The following MYT1L variants were observed in gnomAD, a reference collection of about 807,000 sequenced individuals.
MYT1L encodes myelin transcription factor 1-like protein.
Under a neutral mutation model 126.7 loss-of-function variants are expected in MYT1L, and 12 were observed. That is an observed-to-expected ratio of 0.09 (90% confidence interval 0.06 to 0.15). The LOEUF (loss-of-function observed/expected upper bound fraction) is 0.15, where lower values mean the gene tolerates loss of function less well. Among genes scored for constraint, MYT1L ranks in the 10% least tolerant of loss-of-function variants. The probability of loss-of-function intolerance (pLI) is 1.00; values close to 1 mark genes in which losing one functional copy is unlikely to be tolerated. For missense variants in MYT1L, 979 were observed against 1,585.2 expected (o/e 0.62, Z 6.49); for synonymous variants, 541 against 604.2 (o/e 0.90, Z 1.53).
chr2:2,320,431 C>A (rs1365763138), intron 1 of MYT1L, among the ~76,000 whole-genome samples: 1 of 145,266 alleles, frequency 6.9e-6, no homozygotes. Flanking sequence ...AGGAACACTA[C>A]AATTAGGCAT....
rs150672533 is a variant in MYT1L, at chr2:1,834,550, T to C, written c.3080+4599A>G. Among the ~76,000 whole-genome samples, 397 of 152,310 alleles carry C rather than the reference T, an allele frequency of 2.6e-3. 11 individuals carry two copies. The highest frequency in any genetic ancestry group is 0.02 in the Admixed American group (311 of 15,310). Reference sequence around the variant, plus strand: ...GATACGTGCTACAACCTTGAGGACATGGGGCTCCATGAAATAGGACGGTCA... The same window carrying C: ...GATACGTGCTACAACCTTGAGGACACGGGGCTCCATGAAATAGGACGGTCA... On this transcript the variant is annotated intron_variant, in intron 21 of 24. Transcript: ENST00000647738.
chr2:2,290,626 G>T (rs1176372383), intron 1 of MYT1L, among the ~76,000 whole-genome samples: 2 of 152,136 alleles, frequency 1.3e-5, no homozygotes, highest in Admixed American at 6.6e-5. Flanking sequence ...CATGCCCCCA[G>T]TCCACACATA....
intron 3 of MYT1L, among the ~76,000 whole-genome samples, chr2:2,105,813 T>A (rs2078678363): frequency 6.6e-6 from 1 of 152,218 alleles, no homozygotes; most frequent in South Asian, 2.1e-4. Context: ...AATTACCTTA[T>A]GAAACAGCAT....
rs565798897 is a variant in MYT1L, at chr2:2,134,490, AT to A, written c.-304+38381del. The stretch of plus-strand genomic sequence containing the variant: ...GTCTGTGTCCTCCCCAAATTCATTT[AT>A]GTTGATGCCCTAACCACAGTGTGAT... On this transcript the variant is annotated intron_variant, in intron 3 of 24. Transcript: ENST00000647738. Among the ~76,000 whole-genome samples, 6 of 152,296 alleles carry A rather than the reference AT, an allele frequency of 3.9e-5. No individual in the cohort carries two copies. The South Asian group carries it at 1.2e-3, about 32-fold the overall frequency.
chr2:2,133,157 C>T (rs1026588779), intron 3 of MYT1L, among the ~76,000 whole-genome samples: 4 of 152,168 alleles, frequency 2.6e-5, no homozygotes, highest in African/African-American at 7.2e-5. Flanking sequence ...GCATTACCCA[C>T]CTTGTGCTTA....
At chr2:2,070,858 G>T (rs1029923691) in intron 3 of MYT1L, among the ~76,000 whole-genome samples, 1 of 152,036 alleles carries the variant, frequency 6.6e-6, no homozygotes, top group Non-Finnish European at 1.5e-5. Context: ...ATTTAATATC[G>T]ATTTGAATAT....
At chr2:2,136,867 G>A (rs2083123311) in intron 3 of MYT1L, among the ~76,000 whole-genome samples, 1 of 152,120 alleles carries the variant, frequency 6.6e-6, no homozygotes. Flanking sequence ...GGAAATAAAG[G>A]GTATTCAATC....
chr2:2,292,970 T>C (rs1045971212), intron 1 of MYT1L, among the ~76,000 whole-genome samples: 5 of 152,098 alleles, frequency 3.3e-5, no homozygotes, highest in African/African-American at 1.2e-4. Context: ...CAAAAGAACA[T>C]TTTCCTCTGT....
chr2:2,036,471 G>A (rs1225856619), intron 4 of MYT1L, among the ~76,000 whole-genome samples: 2 of 150,002 alleles, frequency 1.3e-5, no homozygotes, highest in Non-Finnish European at 3.0e-5. Flanking sequence ...CCTCCAATGC[G>A]GGTGCAGAAG....
chr2:2,314,818 C>G (rs1286594361), intron 1 of MYT1L, among the ~76,000 whole-genome samples: 1 of 152,098 alleles, frequency 6.6e-6, no homozygotes, highest in East Asian at 1.9e-4. Flanking sequence ...GGTACTGGTA[C>G]AGAAACAGAC....
chr2:1,810,577 A>G (rs1222544359), intron 21 of MYT1L, among the ~76,000 whole-genome samples: 5 of 152,180 alleles, frequency 3.3e-5, no homozygotes, highest in Admixed American at 6.5e-5. Context: ...ATCTAGAAAC[A>G]CTCTTTACTA....
Position 1,806,235 on chromosome 2 carries a change from C to A in MYT1L, c.3172+2841G>T, listed in dbSNP as rs57770613. On this transcript the variant is annotated intron_variant, in intron 22 of 24. Transcript: ENST00000647738. The surrounding 1 kb of genome is among the most constrained non-coding windows in gnomAD (Gnocchi z 4.9). Reference sequence around the variant, plus strand: ...GAATCGACAGCCCCAGGCATCAGCACACACTTGGACTTAGGAAGACCCACT... The same window carrying A: ...GAATCGACAGCCCCAGGCATCAGCAAACACTTGGACTTAGGAAGACCCACT... 2.6e-5 allele frequency among the ~76,000 whole-genome samples: 4 copies of A among 152,184 alleles called. No individual in the cohort carries two copies. The highest frequency in any genetic ancestry group is 9.7e-5 in the African/African-American group (4 of 41,450).
At chr2:2,295,924 A>G (rs959546952) in intron 1 of MYT1L, among the ~76,000 whole-genome samples, 1 of 143,826 alleles carries the variant, frequency 7.0e-6, no homozygotes, top group Admixed American at 6.9e-5. Context: ...AGCTAGAGAG[A>G]GAGAGGTTGG....
intron 9 of MYT1L, among the ~76,000 whole-genome samples, chr2:1,923,471 T>C (rs1305303092): frequency 6.6e-6 from 1 of 152,226 alleles, no homozygotes; most frequent in Non-Finnish European, 1.5e-5. Context: ...CCATTTAAAA[T>C]ACTTGTTGTG....
chr2:2,288,366 A>C (rs1339883955), intron 1 of MYT1L, among the ~76,000 whole-genome samples: 3 of 152,256 alleles, frequency 2.0e-5, no homozygotes, highest in Admixed American at 6.5e-5. Flanking sequence ...CTTTAAAAAA[A>C]TTAGATCATC....
chr2:2,262,930 AT>A (rs1338395671), intron 2 of MYT1L, among the ~76,000 whole-genome samples: 5 of 93,654 alleles, frequency 5.3e-5, no homozygotes, highest in Admixed American at 4.0e-4. Flanking sequence ...ATATATATAT[AT>A]AACCTGTGAT....
At chr2:1,803,857 G>A (rs1054726891) in intron 22 of MYT1L, among the ~76,000 whole-genome samples, 3 of 152,162 alleles carry the variant, frequency 2.0e-5, no homozygotes, top group African/African-American at 4.8e-5. Flanking sequence ...GTAGGACGAG[G>A]GTATGTGGAA....
chr2:2,155,910 C>T (rs1249945567), intron 3 of MYT1L, among the ~76,000 whole-genome samples: 1 of 152,058 alleles, frequency 6.6e-6, no homozygotes, highest in Non-Finnish European at 1.5e-5. Flanking sequence ...CAACTCCAAC[C>T]CTGTGATTCA....
intron 18 of MYT1L, among the ~76,000 whole-genome samples, chr2:1,867,362 C>T (rs985939609): frequency 6.6e-6 from 1 of 152,164 alleles, no homozygotes; most frequent in Non-Finnish European, 1.5e-5. Flanking sequence ...ATTGTCTTGG[C>T]TCTCACCCCG....
Sources: gnomAD v4.1 joint callset for allele counts (sites outside exome capture counted in the v4.1 genomes callset) on GRCh38, gnomAD v4.1.1 for gene constraint, Gnocchi (gnomAD v3.1) non-coding constraint, MANE v1.5 for transcripts, NCBI Gene and HGNC (gene_info 2026-07-23, HGNC 2026-07-21) for gene names.